GRM5: variants seen among roughly 807,000 people sequenced by gnomAD.
GRM5 encodes the protein glutamate metabotropic receptor 5.
GRM5 carries 19 observed loss-of-function variants against 83.1 expected under a neutral mutation model. The ratio of observed to expected loss-of-function variants is 0.23; its 90% CI spans 0.16 to 0.34. The LOEUF (loss-of-function observed/expected upper bound fraction) is 0.34. Among genes scored for constraint, GRM5 ranks in the 10% least tolerant of loss-of-function variants. GRM5 has a pLI of 1.00. For synonymous variants in GRM5, 675 were observed against 633.6 expected, an observed-to-expected ratio of 1.07 and a Z score of -0.98; for missense variants, 1,160 against 1,588.3, an observed-to-expected ratio of 0.73 and a Z score of 4.58.
At chr11:88,828,183 G>A (rs1329516104) in intron 3 of GRM5, among the ~76,000 whole-genome samples, 1 of 152,168 alleles carries the variant, frequency 6.6e-6, no homozygotes, top group African/African-American at 2.4e-5. Context: ...GGATGAGAAA[G>A]GCAGAAGAGG....
intron 2 of GRM5, among the ~76,000 whole-genome samples, chr11:88,898,690 T>C (rs771308884): frequency 9.2e-5 from 14 of 151,940 alleles, no homozygotes; most frequent in Non-Finnish European, 2.1e-4. Context: ...TATAAAACTT[T>C]CCCTTTTCTC....
chr11:88,634,610 G>A (rs896559091), intron 4 of GRM5, among the ~76,000 whole-genome samples: 2 of 152,096 alleles, frequency 1.3e-5, no homozygotes, highest in African/African-American at 4.8e-5. Flanking sequence ...AACACACGGA[G>A]CTGTTATCTC....
At chr11:88,840,942 G>A (rs1254069452) in intron 3 of GRM5, among the ~76,000 whole-genome samples, 1 of 152,144 alleles carries the variant, frequency 6.6e-6, no homozygotes, top group Non-Finnish European at 1.5e-5. Flanking sequence ...AACAATCAAG[G>A]AAAATAGCTC....
At chr11:88,654,428 T>C (rs969107627) in intron 3 of GRM5, among the ~76,000 whole-genome samples, 5 of 152,110 alleles carry the variant, frequency 3.3e-5, no homozygotes, top group Non-Finnish European at 7.4e-5. Context: ...GTTTGTGCTG[T>C]ATATCTGCTG....
rs551916168 is a variant in GRM5 at position 88,761,533 on chromosome 11, C to T, written c.911+88373G>A. On this transcript the variant is annotated intron_variant, in intron 3 of 9. Transcript: ENST00000305447. Reference sequence around the variant, plus strand: ...TCTCTACAAGGAGAATTACAAAACACTGCTCAAAGAAATCAGAGATGACAC... The same window carrying T: ...TCTCTACAAGGAGAATTACAAAACATTGCTCAAAGAAATCAGAGATGACAC... Among the ~76,000 whole-genome samples, 17 of 152,096 alleles carry T rather than the reference C, an allele frequency of 1.1e-4. 1 individual carries two copies. The South Asian group carries it at 1.7e-3, about 15-fold the overall frequency.
At chr11:88,931,364 A>G (rs1937699499) in intron 2 of GRM5, among the ~76,000 whole-genome samples, 1 of 152,140 alleles carries the variant, frequency 6.6e-6, no homozygotes. Context: ...AATGAGAGAA[A>G]TGACTTTATT....
intron 2 of GRM5, among the ~76,000 whole-genome samples, chr11:89,005,719 T>C (rs554180083): frequency 6.6e-6 from 1 of 152,302 alleles, no homozygotes; most frequent in East Asian, 1.9e-4. Context: ...TTACCAGTAA[T>C]GTAACGGTGG....
intron 2 of GRM5, among the ~76,000 whole-genome samples, chr11:88,950,570 T>A (rs1323208071): frequency 6.6e-6 from 1 of 152,062 alleles, no homozygotes; most frequent in East Asian, 1.9e-4. Context: ...TAATACAAGT[T>A]TCTATAAAGT....
chr11:88,846,820 G>A (rs1223904700), intron 3 of GRM5, among the ~76,000 whole-genome samples: 1 of 151,928 alleles, frequency 6.6e-6, no homozygotes, highest in East Asian at 1.9e-4. Context: ...AAGTTATAGC[G>A]TGAACTAAAT....
At chr11:88,769,211 T>G (rs1472042815) in intron 3 of GRM5, among the ~76,000 whole-genome samples, 1 of 152,062 alleles carries the variant, frequency 6.6e-6, no homozygotes, top group Non-Finnish European at 1.5e-5. Flanking sequence ...ATTTGTGGAT[T>G]GGCATGGTGA....
At chr11:88,782,087 T>G (rs1942985985) in intron 3 of GRM5, among the ~76,000 whole-genome samples, 1 of 152,110 alleles carries the variant, frequency 6.6e-6, no homozygotes, top group South Asian at 2.1e-4. Flanking sequence ...TGCATGGTAT[T>G]TATTAATATG....
At position 89,024,155 on chromosome 11, in the gene GRM5, G is replaced by A. The variant is rs184260050; in HGVS notation, c.661+23057C>T. Reference sequence around the variant, plus strand: ...CATTTGAACCTGGGAGGCAGAGGTCGCAATGAGTTGATATCTCCACGGCAC... The same window carrying A: ...CATTTGAACCTGGGAGGCAGAGGTCACAATGAGTTGATATCTCCACGGCAC... On this transcript the variant is annotated intron_variant, in intron 2 of 9. Transcript: ENST00000305447. Among the ~76,000 whole-genome samples, 5 of 152,122 alleles carry A rather than the reference G, an allele frequency of 3.3e-5. No homozygotes were observed. In the East Asian group the frequency reaches 5.8e-4, roughly 18 times the overall value.
chr11:88,866,333 C>T (rs1184321539), intron 2 of GRM5, among the ~76,000 whole-genome samples: 1 of 151,986 alleles, frequency 6.6e-6, no homozygotes, highest in Non-Finnish European at 1.5e-5. Flanking sequence ...TGTTCTCGCT[C>T]ATAAATGGGA....
intron 3 of GRM5, among the ~76,000 whole-genome samples, chr11:88,669,923 C>T (rs183776326): frequency 2.1e-4 from 32 of 151,692 alleles, no homozygotes; most frequent in African/African-American, 6.5e-4. Context: ...TAGGTGGAGA[C>T]GATATTTACA....
chr11:88,951,640 G>A (rs1265482296), intron 2 of GRM5, among the ~76,000 whole-genome samples: 1 of 152,198 alleles, frequency 6.6e-6, no homozygotes, highest in African/African-American at 2.4e-5. Context: ...TTTAACAGAG[G>A]AGAAACAGTA....
chr11:88,772,927 T>C (rs1942770803), intron 3 of GRM5, among the ~76,000 whole-genome samples: 1 of 152,212 alleles, frequency 6.6e-6, no homozygotes, highest in African/African-American at 2.4e-5. Flanking sequence ...CATGTGTCTT[T>C]ATAGCAGCAT....
chr11:88,607,771 T>C (rs556739863), intron 4 of GRM5, among the ~76,000 whole-genome samples: 1 of 152,208 alleles, frequency 6.6e-6, no homozygotes, highest in Non-Finnish European at 1.5e-5. Flanking sequence ...TCTGAGCCCT[T>C]GTAATTGCTG....
At chr11:88,615,539 C>T (rs1042091385) in intron 4 of GRM5, among the ~76,000 whole-genome samples, 17 of 151,618 alleles carry the variant, frequency 1.1e-4, no homozygotes, top group African/African-American at 4.1e-4. Flanking sequence ...CTTCAGGTAG[C>T]TGAGACAGCT....
intron 9 of GRM5, among the ~76,000 whole-genome samples, chr11:88,510,595 C>T (rs1198088939): frequency 2.2e-4 from 34 of 152,218 alleles, no homozygotes; most frequent in Non-Finnish European, 1.0e-4. Context: ...CAGCTCACTG[C>T]ACCCTCGGCC....
Sources: allele counts gnomAD v4.1 joint callset (sites outside exome capture counted in the v4.1 genomes callset), GRCh38; gene constraint gnomAD v4.1.1; transcripts MANE v1.5; gene names NCBI Gene and HGNC (gene_info 2026-07-23, HGNC 2026-07-21).